IPO11: variants seen among roughly 807,000 people sequenced by gnomAD.
IPO11 encodes the protein importin-11.
In IPO11, 66 loss-of-function variants were observed where a neutral mutation model predicts 143.2. That is an observed-to-expected ratio of 0.46 (90% CI 0.38 to 0.57). The LOEUF is 0.57. Ranked by LOEUF, IPO11 falls within the 20% of genes least tolerant of loss-of-function variation. The pLI, the probability that IPO11 is intolerant of heterozygous loss-of-function variation, is 0.00. For missense variants in IPO11, 1,026 were observed against 1,141.0 expected (o/e 0.90, Z 1.45); for synonymous variants, 385 against 377.8 (o/e 1.02, Z -0.22).
intron 22 of IPO11, among the ~76,000 whole-genome samples, chr5:62,532,350 CGTTT>C (rs959886018): frequency 1.6e-4 from 24 of 151,638 alleles, no homozygotes; most frequent in South Asian, 6.3e-4. Context: ...GGTGGTGGTT[CGTTT>C]GTTTGTTTGT....
intron 2 of IPO11, among the ~76,000 whole-genome samples, chr5:62,439,799 T>C (rs1445983872): frequency 6.6e-6 from 1 of 152,220 alleles, no homozygotes; most frequent in Non-Finnish European, 1.5e-5. Context: ...GTCTTCCTTT[T>C]TCCCCTATAC....
At chr5:62,567,446 A>G (rs1455039677) in intron 27 of IPO11, among the ~76,000 whole-genome samples, 1 of 134,332 alleles carries the variant, frequency 7.4e-6, no homozygotes, top group Admixed American at 7.5e-5. Context: ...GAATATTTAT[A>G]TCTTTCTCTG....
At chr5:62,531,075 G>A (rs1306369078) in intron 22 of IPO11, among the ~76,000 whole-genome samples, 1 of 152,124 alleles carries the variant, frequency 6.6e-6, no homozygotes, top group African/African-American at 2.4e-5. Context: ...CCATGATTAT[G>A]TCCTTGAGTA....
In IPO11 at chr5:62,517,453, C is replaced by T. The variant is rs188555027; in HGVS notation, c.1896+1952C>T. Among the ~76,000 whole-genome samples the T allele has an allele frequency of 2.1e-3, 313 of 152,204 alleles. 2 individuals are homozygous for T. The highest frequency in any genetic ancestry group is 7.3e-3 in the African/African-American group (304 of 41,548). On this transcript the variant is annotated intron_variant, in intron 20 of 29. Transcript: ENST00000325324. The stretch of plus-strand genomic sequence containing the variant: ...GTTTCGCTCTTGTTGCCCAGGCTGG[C>T]GTGCAATGGTGCGATCTTGGCTCAC...
chr5:62,433,480 T>C (rs1744065144), intron 1 of IPO11, among the ~76,000 whole-genome samples: 1 of 152,208 alleles, frequency 6.6e-6, no homozygotes, highest in Non-Finnish European at 1.5e-5. Flanking sequence ...TTTTCACAAT[T>C]TGTTTTAACA....
intron 16 of IPO11, among the ~76,000 whole-genome samples, chr5:62,502,357 GT>G (rs1741374295): frequency 2.0e-5 from 3 of 152,160 alleles, no homozygotes. Flanking sequence ...TTTTGATGTT[GT>G]CCCCCCATTG....
chr5:62,423,920 A>C (rs1006697814), intron 1 of IPO11, among the ~76,000 whole-genome samples: 1 of 151,858 alleles, frequency 6.6e-6, no homozygotes, highest in East Asian at 1.9e-4. Flanking sequence ...TTTGCTTTTG[A>C]CTCTGGGCAG....
In IPO11 at chr5:62,435,110, GTATATATGTATATATGTATATATA is replaced by G. The variant is rs1744140645; in HGVS notation, c.-6-2162_-6-2139del. On this transcript the variant is annotated intron_variant, in intron 1 of 29. Transcript: ENST00000325324. Reference sequence around the variant, plus strand: ...TATATATGTATATATGTATATATATGTATATATGTATATATGTATATATATGTATATATGTATATATGTATATAT... The same window carrying G: ...TATATATGTATATATGTATATATATGTGTATATATGTATATATGTATATAT... Among the ~76,000 whole-genome samples the G allele has an allele frequency of 3.8e-4, 25 of 65,422 alleles. 3 individuals are homozygous for G. Among genetic ancestry groups the G allele is most frequent in the African/African-American group, 1.4e-3 (23 of 16,898 alleles). 42.9% of individuals were successfully genotyped at this position (65,422 alleles called of 152,430 possible).
chr5:62,420,376 C>CTG (rs565455446), intron 1 of IPO11, among the ~76,000 whole-genome samples: 2 of 151,632 alleles, frequency 1.3e-5, no homozygotes, highest in Non-Finnish European at 2.9e-5. Flanking sequence ...GTGTTATGTA[C>CTG]TGTACCTAAT....
chr5:62,418,261 G>A (rs1449112702), intron 1 of IPO11, among the ~76,000 whole-genome samples: 2 of 151,938 alleles, frequency 1.3e-5, no homozygotes, highest in African/African-American at 4.8e-5. Flanking sequence ...CGCCTTCTGG[G>A]TTCAAGTGAT....
intron 22 of IPO11, among the ~76,000 whole-genome samples, chr5:62,532,170 G>A (rs918047850): frequency 6.6e-6 from 1 of 152,144 alleles, no homozygotes; most frequent in African/African-American, 2.4e-5. Flanking sequence ...CTCAAATTCA[G>A]CATGCTTAGT....
chr5:62,567,652 G>T (rs1201447235), intron 27 of IPO11, among the ~76,000 whole-genome samples: 7 of 134,472 alleles, frequency 5.2e-5, no homozygotes, highest in African/African-American at 2.0e-4. Context: ...AACCTCCGCC[G>T]CCTGGGTTCA....
intron 29 of IPO11, among the ~76,000 whole-genome samples, chr5:62,620,395 T>C (rs1243302470): frequency 1.3e-5 from 2 of 151,956 alleles, no homozygotes; most frequent in East Asian, 3.9e-4. Flanking sequence ...GGCGGGTGCC[T>C]GTAGTCCCAG....
intron 6 of IPO11, among the ~76,000 whole-genome samples, chr5:62,468,565 C>T (rs887974793): frequency 2.6e-5 from 4 of 152,136 alleles, no homozygotes; most frequent in South Asian, 2.1e-4. Context: ...AATGTTTGCT[C>T]AGAAAGAATT....
At chr5:62,525,347 C>T (rs1029508887) in intron 20 of IPO11, among the ~76,000 whole-genome samples, 2 of 98,446 alleles carry the variant, frequency 2.0e-5, no homozygotes, top group African/African-American at 1.0e-4. Context: ...TGTGTCAAAT[C>T]CTCCCATCCT....
chr5:62,586,707 C>T (rs918628), intron 27 of IPO11, among the ~76,000 whole-genome samples: 21,451 of 138,756 alleles, frequency 0.15, 1,745 homozygotes, highest in Admixed American at 0.21. Context: ...GCTGAGATCA[C>T]GCCATTGCAC....
intron 24 of IPO11, among the ~76,000 whole-genome samples, chr5:62,545,277 T>C (rs547713199): frequency 7.3e-4 from 110 of 151,618 alleles, no homozygotes; most frequent in South Asian, 1.3e-3. Flanking sequence ...CATAACAGAG[T>C]CCTCAGAAAT....
At chr5:62,523,360 T>C (rs539439893) in intron 20 of IPO11, among the ~76,000 whole-genome samples, 4 of 152,218 alleles carry the variant, frequency 2.6e-5, no homozygotes, top group South Asian at 2.1e-4. Flanking sequence ...GAACATAGAG[T>C]ACAGAGCTTG....
At chr5:62,451,447 G>C (rs532376363) in intron 4 of IPO11, among the ~76,000 whole-genome samples, 1 of 152,232 alleles carries the variant, frequency 6.6e-6, no homozygotes, top group East Asian at 1.9e-4. Flanking sequence ...TTTCATATCT[G>C]CTTCTTCATT....
Sources: allele counts gnomAD v4.1 joint callset (sites outside exome capture counted in the v4.1 genomes callset), GRCh38; gene constraint gnomAD v4.1.1; transcripts MANE v1.5; gene names NCBI Gene and HGNC (gene_info 2026-07-23, HGNC 2026-07-21).